Variants in MTUS2 observed in about 807,000 individuals in gnomAD.
The protein encoded by MTUS2 is microtubule associated scaffold protein 2.
Under a neutral mutation model 114.1 loss-of-function variants are expected in MTUS2, and 40 were observed. That is an observed-to-expected ratio of 0.35 (90% CI 0.27 to 0.46). The LOEUF (loss-of-function observed/expected upper bound fraction) is 0.46. Ranked by LOEUF, MTUS2 falls within the 20% of genes least tolerant of loss-of-function variation. The pLI, the probability that MTUS2 is intolerant of heterozygous loss-of-function variation, is 1.00. For missense variants in MTUS2, 1,679 were observed against 1,705.4 expected (o/e 0.98, Z 0.27); for synonymous variants, 688 against 672.0 (o/e 1.02, Z -0.37).
intron 6 of MTUS2, among the ~76,000 whole-genome samples, chr13:29,316,130 G>C (rs1288984402): frequency 2.0e-5 from 3 of 152,162 alleles, no homozygotes; most frequent in African/African-American, 7.2e-5. Context: ...TGTTCAATTA[G>C]CCAGCAAGAA....
intron 4 of MTUS2, among the ~76,000 whole-genome samples, chr13:29,054,362 T>C (rs895766896): frequency 1.3e-5 from 2 of 152,176 alleles, no homozygotes; most frequent in Admixed American, 1.3e-4. Context: ...ATCTGGTGTT[T>C]GTCTTGATTT....
At chr13:29,133,115 G>A (rs931778662) in intron 5 of MTUS2, among the ~76,000 whole-genome samples, 1 of 151,972 alleles carries the variant, frequency 6.6e-6, no homozygotes, top group Admixed American at 6.6e-5. Flanking sequence ...ATAATGATTA[G>A]TGAGGTTGAG....
Position 28,875,040 on chromosome 13 carries a change from G to A in MTUS2, c.-243+35190G>A, listed in dbSNP as rs560375476. 3.3e-5 allele frequency among the ~76,000 whole-genome samples: 5 copies of A among 152,168 alleles called. No individual in the cohort carries two copies. In the South Asian group the frequency reaches 1.0e-3, roughly 32 times the overall value. ...TTAGAAAAATGGTTTGTGAAGGCTGGTCCAAGGCAGCACCAGCTAGCACAG... is the reference window on the plus strand; with the variant it reads ...TTAGAAAAATGGTTTGTGAAGGCTGATCCAAGGCAGCACCAGCTAGCACAG... On this transcript the variant is annotated intron_variant, in intron 2 of 15. Transcript: ENST00000612955.
Position 29,359,294 on chromosome 13 carries a change from A to G in MTUS2, c.2938A>G (p.Asn980Asp). Residue 980 changes from asparagine to aspartate, a missense_variant, in exon 8 of 16, where the codon AAT (asparagine) becomes GAT (aspartate). Asn to Asp is a conservative substitution (Grantham distance 23). This residue lies in a region of MTUS2 where 822 missense variants were observed against 899.7 expected (regional missense o/e 0.91). Transcript: ENST00000612955. ...AAAGCAGAGGACTGCGGCAGCTCGAAATGGGTTTCCGCCCAAGCCGGACCC... is the reference window on the plus strand; with the variant it reads ...AAAGCAGAGGACTGCGGCAGCTCGAGATGGGTTTCCGCCCAAGCCGGACCC... Reference protein sequence around the residue: ...YPKQRTAAARNGFPPKPDPQA... With the variant: ...YPKQRTAAARDGFPPKPDPQA... 1 of 1,606,948 alleles carries G rather than the reference A, an allele frequency of 6.2e-7. No individual in the cohort carries two copies. Among genetic ancestry groups the G allele is most frequent in the Non-Finnish European group, 8.5e-7 (1 of 1,176,946 alleles).
intron 9 of MTUS2, among the ~76,000 whole-genome samples, chr13:29,461,281 T>A (rs576250976): frequency 6.6e-6 from 1 of 152,200 alleles, no homozygotes; most frequent in Non-Finnish European, 1.5e-5. Context: ...CATTAATCTA[T>A]ATATGGAGGG....
In MTUS2 at chr13:29,173,089, G is replaced by A. The variant is rs550171834; in HGVS notation, c.2644+72119G>A. On this transcript the variant is annotated intron_variant, in intron 5 of 15. Transcript: ENST00000612955. Reference sequence around the variant, plus strand: ...TGTTTGTGCTGGTTGTAAAATAATTGCACCTGCTTTTTTTATTGTAAACTG... The same window carrying A: ...TGTTTGTGCTGGTTGTAAAATAATTACACCTGCTTTTTTTATTGTAAACTG... 1.4e-4 allele frequency among the ~76,000 whole-genome samples: 22 copies of A among 151,954 alleles called. No individual in the cohort carries two copies. In the South Asian group the frequency reaches 4.6e-3, roughly 32 times the overall value.
At chr13:29,193,205 T>C (rs1048030363) in intron 5 of MTUS2, among the ~76,000 whole-genome samples, 3 of 152,142 alleles carry the variant, frequency 2.0e-5, no homozygotes, top group Non-Finnish European at 4.4e-5. Flanking sequence ...TTTCTGACTA[T>C]ACTTCTTGTT....
intron 5 of MTUS2, among the ~76,000 whole-genome samples, chr13:29,168,431 T>C (rs1893409310): frequency 6.6e-6 from 1 of 152,204 alleles, no homozygotes; most frequent in African/African-American, 2.4e-5. Flanking sequence ...CAGTCAGTGT[T>C]CTTTTGTGAA....
chr13:29,261,546 A>G (rs1348198877), intron 5 of MTUS2, among the ~76,000 whole-genome samples: 1 of 152,244 alleles, frequency 6.6e-6, no homozygotes, highest in Admixed American at 6.5e-5. Flanking sequence ...GAAGCAGACT[A>G]TTTTAGAACA....
chr13:29,450,047 C>A (rs1206876322), intron 9 of MTUS2, among the ~76,000 whole-genome samples: 1 of 152,186 alleles, frequency 6.6e-6, no homozygotes, highest in African/African-American at 2.4e-5. Context: ...GACCACGGTG[C>A]AGTGTGACAC....
intron 5 of MTUS2, among the ~76,000 whole-genome samples, chr13:29,144,676 A>G (rs1054625621): frequency 1.3e-5 from 2 of 152,228 alleles, no homozygotes; most frequent in Admixed American, 1.3e-4. Flanking sequence ...GGCTTGCTCA[A>G]CATAATCCCT....
intron 8 of MTUS2, among the ~76,000 whole-genome samples, chr13:29,369,411 G>A (rs80166895): frequency 8.2e-4 from 125 of 152,238 alleles, no homozygotes; most frequent in African/African-American, 2.9e-3. Context: ...AGCAAATGCC[G>A]CTCTCCTCCC....
chr13:28,832,533 CTG>C lies in MTUS2; in HGVS notation c.-315-7243_-315-7242del, dbSNP rs1482644431. 2.6e-5 allele frequency among the ~76,000 whole-genome samples: 4 copies of C among 151,040 alleles called. No individual in the cohort carries two copies. In the East Asian group the frequency reaches 7.7e-4, roughly 29 times the overall value. On this transcript the variant is annotated intron_variant, in intron 1 of 15. Transcript: ENST00000612955. ...GGATTTTTTTTTTAGCTGTTAATGA[CTG>C]TATGAACAAAAGAAAGATCTCAGAC... is the stretch of plus-strand genomic sequence containing the variant.
intron 2 of MTUS2, among the ~76,000 whole-genome samples, chr13:28,970,677 T>A (rs930691706): frequency 6.6e-6 from 1 of 152,268 alleles, no homozygotes; most frequent in African/African-American, 2.4e-5. Context: ...ATTTGTGCTC[T>A]CTGAGAAGAA....
chr13:29,042,855 C>T (rs1417537561), intron 4 of MTUS2, among the ~76,000 whole-genome samples: 2 of 152,050 alleles, frequency 1.3e-5, no homozygotes, highest in African/African-American at 4.8e-5. Context: ...GATCTTCCCT[C>T]CTCTTTTCTT....
intron 2 of MTUS2, among the ~76,000 whole-genome samples, chr13:29,012,829 G>A (rs549034527): frequency 2.0e-5 from 3 of 151,860 alleles, no homozygotes; most frequent in South Asian, 2.1e-4. Context: ...AGCCGAGATC[G>A]CACCACTGCA....
At chr13:29,315,381 A>G (rs181370514) in intron 6 of MTUS2, among the ~76,000 whole-genome samples, 187 of 152,344 alleles carry the variant, frequency 1.2e-3, no homozygotes, top group African/African-American at 4.2e-3. Flanking sequence ...AGTTATCCCA[A>G]TTTGATCACC....
intron 8 of MTUS2, among the ~76,000 whole-genome samples, chr13:29,376,667 A>G (rs536930490): frequency 6.6e-6 from 1 of 152,322 alleles, no homozygotes; most frequent in African/African-American, 2.4e-5. Flanking sequence ...ACACAGCCAC[A>G]TTCATTACTT....
At chr13:29,192,744 T>C (rs530982268) in intron 5 of MTUS2, among the ~76,000 whole-genome samples, 1 of 152,342 alleles carries the variant, frequency 6.6e-6, no homozygotes, top group South Asian at 2.1e-4. Context: ...TTAAAAATGC[T>C]ATCTAGGCTG....
Sources: gnomAD v4.1 joint callset for allele counts (sites outside exome capture counted in the v4.1 genomes callset) on GRCh38, gnomAD v4.1.1 for gene constraint, gnomAD v4.1.1 regional missense constraint, MANE v1.5 for transcripts, NCBI Gene and HGNC (gene_info 2026-07-23, HGNC 2026-07-21) for gene names.